TMEM131: variants seen among roughly 807,000 people sequenced by gnomAD.
TMEM131 encodes the protein transmembrane protein 131, also known as 2610524E03Rik.
In TMEM131, 66 loss-of-function variants were observed where a neutral mutation model predicts 211.6. The ratio of observed to expected loss-of-function variants is 0.31; its 90% CI spans 0.26 to 0.38. TMEM131 has a LOEUF of 0.38. Ranked by LOEUF, TMEM131 falls within the 10% of genes least tolerant of loss-of-function variation. The probability of loss-of-function intolerance (pLI) is 1.00; values close to 1 mark genes in which losing one functional copy is unlikely to be tolerated. For missense variants in TMEM131, 2,036 were observed against 2,299.3 expected, an observed-to-expected ratio of 0.89 and a Z score of 2.34; for synonymous variants, 844 against 841.3, an observed-to-expected ratio of 1.00 and a Z score of -0.06.
intron 35 of TMEM131, 61 bp downstream of exon 35, chr2:97,766,053 C>A: frequency 6.3e-7 from 1 of 1,594,688 alleles, no homozygotes. Context: ...GAGTTCCATG[C>A]CCAGAGTGGG....
chr2:97,783,738 G>A (rs182428494), intron 31 of TMEM131, among the ~76,000 whole-genome samples: 395 of 152,100 alleles, frequency 2.6e-3, no homozygotes, highest in Admixed American at 6.1e-3. Flanking sequence ...TAAAATGGTA[G>A]ATTTAAGTCC....
chr2:97,935,980 A>T (rs1412086490), intron 1 of TMEM131, among the ~76,000 whole-genome samples: 1 of 152,172 alleles, frequency 6.6e-6, no homozygotes, highest in Non-Finnish European at 1.5e-5. Flanking sequence ...GACAGGCAAT[A>T]AGGGTGGCAG....
intron 2 of TMEM131, chr2:97,911,789 A>C: frequency 3.2e-6 from 1 of 311,740 alleles, no homozygotes; most frequent in Non-Finnish European, 4.7e-6. Context: ...AGAACATGCC[A>C]ACACATCCTT....
intron 1 of TMEM131, among the ~76,000 whole-genome samples, chr2:97,983,422 T>C (rs1390301422): frequency 6.6e-6 from 1 of 152,202 alleles, no homozygotes; most frequent in East Asian, 1.9e-4. Flanking sequence ...TTCAGGTCCC[T>C]TTTTGTCCCT....
rs774698137 is a variant in TMEM131, at chr2:97,943,037, A to AAAGAAAGAAAG, written c.188-15551_188-15550insCTTTCTTTCTT. On this transcript the variant is annotated intron_variant, in intron 1 of 40. Transcript: ENST00000186436. Reference sequence around the variant, plus strand: ...AAAAGAAAAGAAAAGAAAAGAAAAGAAAAGAAAGAAAGAAAGAAAGAAAGA... The same window carrying AAAGAAAGAAAG: ...AAAAGAAAAGAAAAGAAAAGAAAAGAAAGAAAGAAAGAAAGAAAGAAAGAAAGAAAGAAAGA... Among the ~76,000 whole-genome samples, 68 of 66,026 alleles carry AAAGAAAGAAAG rather than the reference A, an allele frequency of 1.0e-3. 1 individual carries two copies. The highest frequency in any genetic ancestry group is 2.2e-3 in the East Asian group (6 of 2,710). 43.3% of individuals were successfully genotyped at this position (66,026 alleles called of 152,430 possible).
chr2:97,760,317 G>A (rs1180782131), intron 38 of TMEM131: 1 of 482,584 alleles, frequency 2.1e-6, no homozygotes, highest in African/African-American at 1.9e-5. Flanking sequence ...ACCAGGAGAT[G>A]GAGGAGAGTG....
Position 97,792,812 on chromosome 2 carries a change from T to G in TMEM131, c.3718A>C (p.Ser1240Arg). 1 of 1,614,054 alleles carries G rather than the reference T, an allele frequency of 6.2e-7. No homozygotes were observed. The highest frequency in any genetic ancestry group is 8.5e-7 in the Non-Finnish European group (1 of 1,179,900). The change falls in exon 31 of 41, where the codon AGT (serine) becomes CGT (arginine). Residue 1240 changes from serine (S) to arginine (R), a missense_variant. Transcript: ENST00000186436. ...GAAGTCCTACTAGAGGTACTTGAAC[T>G]GTTTTTGGCTCTGACGTTTTCCACG... ...ADVENVRAKNSSSTSSRTSAQ... is the reference protein window; with the variant it reads ...ADVENVRAKNRSSTSSRTSAQ...
At chr2:97,811,532 C>A (rs1681547987) in intron 17 of TMEM131, among the ~76,000 whole-genome samples, 1 of 152,146 alleles carries the variant, frequency 6.6e-6, no homozygotes, top group African/African-American at 2.4e-5. Context: ...GCCAAAGGGG[C>A]TGGAGCAGAG....
chr2:97,759,892 T>A (rs185476314), intron 38 of TMEM131, 143 bp from the exon 39 acceptor site: 6 of 658,180 alleles, frequency 9.1e-6, no homozygotes, highest in Non-Finnish European at 1.4e-5. Context: ...AAGGAAGAGC[T>A]GAACAATGGC....
At chr2:97,818,563 G>A in intron 12 of TMEM131, 50 bp downstream of exon 12, 6 of 1,236,336 alleles carry the variant, frequency 4.9e-6, no homozygotes, top group Non-Finnish European at 6.9e-6. Context: ...ATGCTTTCTA[G>A]TTTATCAAAA....
chr2:97,802,406 G>A, intron 24 of TMEM131, 22 bp downstream of exon 24: 1 of 1,519,604 alleles, frequency 6.6e-7, no homozygotes, highest in Non-Finnish European at 9.0e-7. Flanking sequence ...GAAACACTGT[G>A]ATGATCCCAA....
chr2:97,895,505 T>C (rs1234722685), intron 3 of TMEM131, among the ~76,000 whole-genome samples: 1 of 152,176 alleles, frequency 6.6e-6, no homozygotes, highest in East Asian at 1.9e-4. Context: ...TCTTGGACTT[T>C]TTTTGGTTGG....
chr2:97,832,298 T>C (rs1298628228), intron 11 of TMEM131, among the ~76,000 whole-genome samples: 2 of 152,236 alleles, frequency 1.3e-5, no homozygotes, highest in Non-Finnish European at 2.9e-5. Flanking sequence ...ATAATATGTT[T>C]ATTGAAAAAG....
chr2:97,977,453 A>G (rs1464817885), intron 1 of TMEM131, among the ~76,000 whole-genome samples: 1 of 152,220 alleles, frequency 6.6e-6, no homozygotes, highest in Admixed American at 6.5e-5. Context: ...TAAAATTACA[A>G]TGAAATGCAG....
intron 5 of TMEM131, among the ~76,000 whole-genome samples, chr2:97,856,216 T>C (rs945751128): frequency 1.3e-5 from 2 of 152,128 alleles, no homozygotes; most frequent in East Asian, 3.8e-4. Flanking sequence ...GGCCTATATA[T>C]AATATGGCCA....
At position 97,800,274 on chromosome 2, in the gene TMEM131, C is replaced by T. The variant is rs561703739; in HGVS notation, c.2718+1621G>A. On this transcript the variant is annotated intron_variant, in intron 25 of 40. Coordinates refer to ENST00000186436, the MANE Select transcript of TMEM131 (RefSeq NM_015348.2). Reference sequence around the variant, plus strand: ...AATTTACTCTAAGCTCACTCTAGGACCTCCTCCTGAATTTCTTATTTAGAA... The same window carrying T: ...AATTTACTCTAAGCTCACTCTAGGATCTCCTCCTGAATTTCTTATTTAGAA... Among the ~76,000 whole-genome samples the T allele has an allele frequency of 5.9e-5, 9 of 152,260 alleles. No homozygotes were observed. The South Asian group carries it at 6.2e-4, about 11-fold the overall frequency.
intron 5 of TMEM131, among the ~76,000 whole-genome samples, chr2:97,851,542 C>A (rs1443880457): frequency 1.3e-5 from 2 of 152,188 alleles, no homozygotes; most frequent in African/African-American, 4.8e-5. Flanking sequence ...TTGTAGCAAC[C>A]ACGCATCAAG....
chr2:97,954,806 CAAAAAAAAA>C (rs778680522), intron 1 of TMEM131, among the ~76,000 whole-genome samples: 1 of 37,056 alleles, frequency 2.7e-5, no homozygotes, highest in African/African-American at 1.2e-4. Flanking sequence ...AACTCCATCT[CAAAAAAAAA>C]AAAAAAAAAA....
intron 28 of TMEM131, among the ~76,000 whole-genome samples, chr2:97,795,692 A>G (rs1399595719): frequency 2.6e-5 from 4 of 152,240 alleles, no homozygotes; most frequent in Admixed American, 6.5e-5. Flanking sequence ...TAAATATTCA[A>G]TTAAGGGACA....
Sources: gnomAD v4.1 joint callset for allele counts (sites outside exome capture counted in the v4.1 genomes callset) on GRCh38, gnomAD v4.1.1 for gene constraint, MANE v1.5 for transcripts, NCBI Gene and HGNC (gene_info 2026-07-23, HGNC 2026-07-21) for gene names.